Variants in APBB3 observed in about 807,000 individuals in gnomAD.
APBB3 encodes amyloid beta precursor protein binding family B member 3.
In APBB3, 50 loss-of-function variants were observed where a neutral mutation model predicts 61.5. That is an observed-to-expected ratio of 0.81 (90% CI 0.65 to 1.03). The LOEUF (loss-of-function observed/expected upper bound fraction) is 1.03. APBB3 is among the 50% of genes least tolerant of loss of function. The pLI is 0.00. For synonymous variants in APBB3, 235 were observed against 233.0 expected (o/e 1.01, Z -0.08); for missense variants, 550 against 637.4 (o/e 0.86, Z 1.48).
In APBB3 at chr5:140,560,719, T is replaced by C; in HGVS notation, c.952A>G (p.Thr318Ala). ...DVLNEAIGTL[T>A]ARGDRNAWVP... ...CAGGCATTCCGGTCCCCCCTGGCGG[T>C]GAGGGTACCAATGGCCTCGTTCAGC... is the stretch of plus-strand genomic sequence containing the variant. The change falls in exon 11 of 13, where the codon ACC becomes GCC. Residue 318 changes from threonine (T) to alanine (A), a missense_variant. Thr to Ala is a moderately conservative substitution (Grantham distance 58). Transcript: ENST00000357560. The surrounding 1 kb of genome is among the most constrained non-coding windows in gnomAD (Gnocchi z 5.1). 6.2e-7 allele frequency: 1 copy of C among 1,614,128 alleles called. No individual in the cohort carries two copies. The highest frequency in any genetic ancestry group is 1.1e-5 in the South Asian group (1 of 91,080).
intron 12 of APBB3, 65 bp from the exon 13 acceptor site, chr5:140,558,886 C>A: frequency 6.9e-7 from 1 of 1,454,652 alleles, no homozygotes; most frequent in Non-Finnish European, 9.6e-7. Flanking sequence ...AAAGCTTCTG[C>A]AGGACAGGGA....
intron 12 of APBB3, among the ~76,000 whole-genome samples, chr5:140,559,556 C>T (rs1221048641): frequency 6.6e-6 from 1 of 152,250 alleles, no homozygotes; most frequent in Admixed American, 6.5e-5. Context: ...TCACCTCTCA[C>T]TACGTCCCCC....
Position 140,562,206 on chromosome 5 carries a change from G to C in APBB3, c.520C>G (p.Leu174Val). Residue 174 changes from leucine to valine, a missense_variant, in exon 6 of 13, where the codon CTG (leucine) becomes GTG (valine). Physicochemically the swap from Leu to Val is conservative, Grantham distance 32 (BLOSUM62 1). This residue lies in a region of APBB3 where 405 missense variants were observed against 483.4 expected (regional missense o/e 0.84). Coordinates refer to ENST00000357560, the MANE Select transcript of APBB3 (RefSeq NM_133173.3). ...WGEGQNMLMI[L>V]KKDAMSLVNP... ...ACTAGGCTCATGGCATCCTTCTTCA[G>C]GATCATCAGCATGTTCTGGCCCTGC... The C allele has an allele frequency of 6.2e-7, 1 of 1,614,146 alleles. No homozygotes were observed. Among genetic ancestry groups the C allele is most frequent in the Non-Finnish European group, 8.5e-7 (1 of 1,180,024 alleles).
In APBB3 at chr5:140,564,049, G is replaced by C; in HGVS notation, c.50-134C>G. The C allele has an allele frequency of 6.8e-7, 1 of 1,461,942 alleles. No individual in the cohort carries two copies. The highest frequency in any genetic ancestry group is 2.4e-5 in the East Asian group (1 of 41,874). 90.6% of individuals were successfully genotyped at this position (1,461,942 alleles called of 1,614,324 possible). A position where few individuals can be genotyped will look rare whatever the true frequency, so the allele number is the denominator to read the frequency against. Reference sequence around the variant, plus strand: ...AAGATCCAGGCTCCTCAATCTTGAAGACATCACATGTAAAGACCGGGTTCA... The same window carrying C: ...AAGATCCAGGCTCCTCAATCTTGAACACATCACATGTAAAGACCGGGTTCA... On this transcript the variant is annotated intron_variant, in intron 1 of 12. Transcript: ENST00000357560. This position sits in a 1 kb window ranked among gnomAD's most constrained non-coding sequence, Gnocchi z 5.0.
At position 140,560,927 on chromosome 5, in the gene APBB3, G is replaced by A; in HGVS notation, c.916+91C>T. 6.8e-7 allele frequency: 1 copy of A among 1,477,758 alleles called. No individual in the cohort carries two copies. Among genetic ancestry groups the A allele is most frequent in the Non-Finnish European group, 9.3e-7 (1 of 1,074,914 alleles). The allele number at this position is 1,477,758 out of a possible 1,614,324, so 91.5% of individuals were successfully genotyped here. ...ACCCCAGGCCATAACAAGGCCACGG[G>A]AGGACTCTTGAGAAATGATAACAGG... On this transcript the variant is annotated intron_variant, in intron 10 of 12. Coordinates refer to ENST00000357560, the MANE Select transcript of APBB3 (RefSeq NM_133173.3). This position sits in a 1 kb window ranked among gnomAD's most constrained non-coding sequence, Gnocchi z 5.1.
chr5:140,561,444 C>T lies in APBB3; in HGVS notation c.753G>A (p.Leu251=). ...CACCACTGACCTCTACTCGCTCTGA[C>T]AAGATCTAAAACACAATGAAGCCAG... The part of the protein sequence containing the change: ...SALHGLCAQI[L]SERVEVSGDA... Residue 251 remains leucine (L), a synonymous_variant, in exon 9 of 13, where the codon TTG becomes TTA. Coordinates refer to ENST00000357560, the MANE Select transcript of APBB3 (RefSeq NM_133173.3). 6.2e-7 allele frequency: 1 copy of T among 1,614,124 alleles called. No individual in the cohort carries two copies. Among genetic ancestry groups the T allele is most frequent in the Non-Finnish European group, 8.5e-7 (1 of 1,180,032 alleles).
Position 140,561,233 on chromosome 5 carries a change from G to A in APBB3, c.832+132C>T, listed in dbSNP as rs769291173. The stretch of plus-strand genomic sequence containing the variant: ...TGGCTCATAGATGCTCCTCCAACTA[G>A]TGGCTTGGGATCCCTGAGACCAGAC... On this transcript the variant is annotated intron_variant, in intron 9 of 12. Transcript: ENST00000357560. The A allele has an allele frequency of 5.8e-4, 844 of 1,445,816 alleles. 2 individuals are homozygous for A. Among genetic ancestry groups the A allele is most frequent in the Admixed American group, 7.5e-4 (44 of 58,668 alleles). The allele number at this position is 1,445,816 out of a possible 1,614,324, so 89.6% of individuals were successfully genotyped here. A position where few individuals can be genotyped will look rare whatever the true frequency, so the allele number is the denominator to read the frequency against.
Position 140,560,972 on chromosome 5 carries a change from C to T in APBB3, c.916+46G>A, listed in dbSNP as rs376071021. 41 of 1,595,300 alleles carry T rather than the reference C, an allele frequency of 2.6e-5. No homozygotes were observed. Among genetic ancestry groups the T allele is most frequent in the African/African-American group, 5.4e-5 (4 of 74,686 alleles). On this transcript the variant is annotated intron_variant, in intron 10 of 12. Transcript: ENST00000357560. This position sits in a 1 kb window ranked among gnomAD's most constrained non-coding sequence, Gnocchi z 5.1. ...AACAGGCCTCACCTCACTCACCTTC[C>T]CCTTGCCTCACACAGCCCACCACAT...
In APBB3 at chr5:140,564,272, T is replaced by C. The variant is rs750443576; in HGVS notation, c.-27A>G. The C allele has an allele frequency of 7.5e-6, 12 of 1,605,540 alleles. No individual in the cohort carries two copies. Among genetic ancestry groups the C allele is most frequent in the Middle Eastern group, 1.7e-4 (1 of 6,060 alleles). On this transcript the variant is annotated 5_prime_UTR_variant, in exon 1 of 13. Coordinates refer to ENST00000357560, the MANE Select transcript of APBB3 (RefSeq NM_133173.3). This position sits in a 1 kb window ranked among gnomAD's most constrained non-coding sequence, Gnocchi z 5.0. The stretch of plus-strand genomic sequence containing the variant: ...ACCCCGGCTGCTCCCCGCCAGCCTC[T>C]GCCGGCCCGCACTCTCAGCCCAGCG...
chr5:140,562,395 C>T lies in APBB3; in HGVS notation c.456G>A (p.Gln152=). The change falls in exon 5 of 13, where the codon CAG becomes CAA. Residue 152 remains glutamine, a synonymous_variant. Coordinates refer to ENST00000357560, the MANE Select transcript of APBB3 (RefSeq NM_133173.3). ...CTGGAGGCTGGCTCCGGCTGCGGGT[C>T]TGGGCCAGCTGCTGGATACAGTTAT... ...AVNNCIQQLA[Q]TRSRSQPPDG... 1.2e-6 allele frequency: 2 copies of T among 1,614,228 alleles called. No individual in the cohort carries two copies. Among genetic ancestry groups the T allele is most frequent in the Non-Finnish European group, 1.7e-6 (2 of 1,180,044 alleles).
chr5:140,563,725 C>T (rs1336972240), intron 2 of APBB3, 27 bp downstream of exon 2: 26 of 1,613,946 alleles, frequency 1.6e-5, no homozygotes, highest in Non-Finnish European at 1.9e-5. Context: ...CACATGGGCT[C>T]AGACCTCCTC....
At chr5:140,563,105 C>T (rs1426151629) in intron 3 of APBB3, among the ~76,000 whole-genome samples, 1 of 152,054 alleles carries the variant, frequency 6.6e-6, no homozygotes, top group Non-Finnish European at 1.5e-5. Flanking sequence ...ATTAGCTGGG[C>T]ATGGTGGCAT....
rs1032198018 is a variant in APBB3, at chr5:140,558,388, G to C, written c.*197C>G. On this transcript the variant is annotated 3_prime_UTR_variant, in exon 13 of 13. Transcript: ENST00000357560. ...CAAGGACCCAAGGAAAGGGGAGCCA[G>C]GGTCCTACGTTGTGGTGCAGTGCCT... The C allele has an allele frequency of 1.5e-6, 1 of 689,360 alleles. No individual in the cohort carries two copies. Among genetic ancestry groups the C allele is most frequent in the Non-Finnish European group, 2.6e-6 (1 of 388,990 alleles). The allele number at this position is 689,360 out of a possible 1,614,324, so 42.7% of individuals were successfully genotyped here. A position where few individuals can be genotyped will look rare whatever the true frequency, so the allele number is the denominator to read the frequency against.
At position 140,564,393 on chromosome 5, in the gene APBB3, G is replaced by GCGGTACACGGGC; in HGVS notation, c.-149_-148insGCCCGTGTACCG. On this transcript the variant is annotated 5_prime_UTR_variant, in exon 1 of 13. Coordinates refer to ENST00000357560, the MANE Select transcript of APBB3 (RefSeq NM_133173.3). This position sits in a 1 kb window ranked among gnomAD's most constrained non-coding sequence, Gnocchi z 5.0. Reference sequence around the variant, plus strand: ...GCACAAATACGGGGCGGGACACGGGGCGGGACACGGGCCGGTCCCGGGGGA... The same window carrying GCGGTACACGGGC: ...GCACAAATACGGGGCGGGACACGGGGCGGTACACGGGCCGGGACACGGGCCGGTCCCGGGGGA... The GCGGTACACGGGC allele has an allele frequency of 1.1e-6, 1 of 935,442 alleles. No individual in the cohort carries two copies. The highest frequency in any genetic ancestry group is 1.7e-5 in the African/African-American group (1 of 60,380). The allele number at this position is 935,442 out of a possible 1,614,324, so 57.9% of individuals were successfully genotyped here.
Position 140,562,519 on chromosome 5 carries a change from G to C in APBB3, c.352-20C>G. 1.9e-6 allele frequency: 3 copies of C among 1,613,522 alleles called. No homozygotes were observed. Among genetic ancestry groups the C allele is most frequent in the Non-Finnish European group, 2.5e-6 (3 of 1,179,768 alleles). Reference sequence around the variant, plus strand: ...AAAGCACTGACAGGTTGGGGGAAGGGACAGGAATTAATAAGGATGGAGTAG... The same window carrying C: ...AAAGCACTGACAGGTTGGGGGAAGGCACAGGAATTAATAAGGATGGAGTAG... On this transcript the variant is annotated intron_variant, in intron 4 of 12. Transcript: ENST00000357560.
chr5:140,561,647 C>A lies in APBB3; in HGVS notation c.687G>T (p.Val229=). ...CCTTGGCAGGGACATCACAGCAAAA[C>A]ACATGGCACTTGAGCATACAGCTAT... ...DKDSCMLKCH[V]FCCDVPAKAI... Residue 229 remains valine, a synonymous_variant, in exon 8 of 13, where the codon GTG becomes GTT. Coordinates refer to ENST00000357560, the MANE Select transcript of APBB3 (RefSeq NM_133173.3). 1.2e-6 allele frequency: 2 copies of A among 1,614,238 alleles called. No individual in the cohort carries two copies.
intron 9 of APBB3, 78 bp from the exon 10 acceptor site, chr5:140,561,179 C>A: frequency 1.9e-6 from 3 of 1,547,908 alleles, no homozygotes; most frequent in Admixed American, 1.7e-5. Flanking sequence ...GGCCAGGACT[C>A]AGGTCAGAGC....
intron 3 of APBB3, 177 bp downstream of exon 3, chr5:140,563,417 A>G: frequency 1.4e-6 from 1 of 699,446 alleles, no homozygotes; most frequent in Non-Finnish European, 2.5e-6. Context: ...GCTTAGAACA[A>G]GGGATAAAAC....
In APBB3 at chr5:140,561,033, C is replaced by A; in HGVS notation, c.901G>T (p.Val301Phe). 1 of 1,613,432 alleles carries A rather than the reference C, an allele frequency of 6.2e-7. No individual in the cohort carries two copies. Among genetic ancestry groups the A allele is most frequent in the South Asian group, 1.1e-5 (1 of 91,080 alleles). The change falls in exon 10 of 13, where the codon GTC (valine) becomes TTC (phenylalanine). Residue 301 changes from valine to phenylalanine, a missense_variant. This residue lies in a region of APBB3 where 405 missense variants were observed against 483.4 expected (regional missense o/e 0.84). Transcript: ENST00000357560. ...YEALYMGTLPVTKAMGMDVLN... is the reference protein window; with the variant it reads ...YEALYMGTLPFTKAMGMDVLN... ...CAGTCCTCACCCATGGCCTTGGTGA[C>A]TGGCAGTGTCCCCATATACAGTGCC... is the stretch of plus-strand genomic sequence containing the variant.
Sources: allele counts gnomAD v4.1 joint callset (sites outside exome capture counted in the v4.1 genomes callset), GRCh38; gene constraint gnomAD v4.1.1; regional missense constraint gnomAD v4.1.1; non-coding constraint Gnocchi (gnomAD v3.1); transcripts MANE v1.5; gene names NCBI Gene and HGNC (gene_info 2026-07-23, HGNC 2026-07-21).